SCN11A: variants seen among roughly 807,000 people sequenced by gnomAD.
The protein encoded by SCN11A is sodium channel protein type 11 subunit alpha.
A neutral mutation model predicts 162.2 loss-of-function variants in SCN11A; 122 were observed. That is an observed-to-expected ratio of 0.75 (90% confidence interval 0.65 to 0.87). The LOEUF (loss-of-function observed/expected upper bound fraction) is 0.87, where lower values mean the gene tolerates loss of function less well. Among genes scored for constraint, SCN11A ranks in the 40% least tolerant of loss-of-function variants. The pLI is 0.00. For synonymous variants in SCN11A, 758 were observed against 751.5 expected (o/e 1.01, Z -0.14); for missense variants, 2,015 against 2,181.6 (o/e 0.92, Z 1.52).
rs899219448 is a variant in SCN11A at position 38,946,808 on chromosome 3, T to C, written c.367A>G (p.Ile123Val). Residue 123 changes from isoleucine to valine, a missense_variant, in exon 6 of 30, where the codon ATT becomes GTT. Ile to Val is a conservative substitution (Grantham distance 29). Coordinates refer to ENST00000302328, the MANE Select transcript of SCN11A (RefSeq NM_001349253.2). ...GGATATGAATGGACTGAGACTCTAA[T>C]GGCTAAACTTCTGATTGAATTGAAA... ...GPFNSIRSLA[I>V]RVSVHSLFSM... 4.3e-6 allele frequency: 7 copies of C among 1,611,258 alleles called. No homozygotes were observed. Among genetic ancestry groups the C allele is most frequent in the Non-Finnish European group, 5.9e-6 (7 of 1,177,604 alleles).
At chr3:38,926,612 G>A (rs1030456402) in intron 8 of SCN11A, among the ~76,000 whole-genome samples, 191 bp downstream of exon 8, 2 of 152,052 alleles carry the variant, frequency 1.3e-5, no homozygotes, top group South Asian at 2.1e-4. Context: ...CCTAGAAATG[G>A]CTTTGTGTGT....
chr3:38,863,122 G>C (rs1052333480), intron 28 of SCN11A, 73 bp downstream of exon 28: 1 of 862,764 alleles, frequency 1.2e-6, no homozygotes, highest in Non-Finnish European at 2.0e-6. Flanking sequence ...AAGAAGGATG[G>C]CATTACGGAA....
In SCN11A at chr3:38,946,821, G is replaced by C. The variant is rs189732398; in HGVS notation, c.354C>G (p.Ile118Met). The change falls in exon 6 of 30, where the codon ATC (isoleucine) becomes ATG (methionine). Residue 118 changes from isoleucine (I) to methionine (M), a missense_variant. Coordinates refer to ENST00000302328, the MANE Select transcript of SCN11A (RefSeq NM_001349253.2). Reference sequence around the variant, plus strand: ...CTGAGACTCTAATGGCTAAACTTCTGATTGAATTGAAAGGCCCAAAAATGA... The same window carrying C: ...CTGAGACTCTAATGGCTAAACTTCTCATTGAATTGAAAGGCCCAAAAATGA... Reference protein sequence around the residue: ...ALFIFGPFNSIRSLAIRVSVH... With the variant: ...ALFIFGPFNSMRSLAIRVSVH... 5.8e-5 allele frequency: 93 copies of C among 1,613,322 alleles called. No homozygotes were observed. In the African/African-American group the frequency reaches 1.1e-3, roughly 19 times the overall value.
chr3:38,881,567 G>T (rs2065310384), intron 22 of SCN11A, among the ~76,000 whole-genome samples: 1 of 152,112 alleles, frequency 6.6e-6, no homozygotes, highest in African/African-American at 2.4e-5. Context: ...TTACATAGTT[G>T]CCTAGACCAG....
chr3:38,896,279 A>C (rs1216581801), intron 18 of SCN11A, among the ~76,000 whole-genome samples: 2 of 152,112 alleles, frequency 1.3e-5, no homozygotes, highest in Non-Finnish European at 2.9e-5. Flanking sequence ...GGGAACAGGG[A>C]CCTAAAGACA....
At chr3:39,041,348 A>C (rs181278837) in intron 1 of SCN11A, among the ~76,000 whole-genome samples, 9 of 152,230 alleles carry the variant, frequency 5.9e-5, no homozygotes, top group African/African-American at 1.7e-4. Context: ...ACATCCAGGA[A>C]GCTAAAAAAT....
intron 28 of SCN11A, among the ~76,000 whole-genome samples, chr3:38,859,151 C>A (rs1466653901): frequency 6.6e-6 from 1 of 151,730 alleles, no homozygotes; most frequent in Non-Finnish European, 1.5e-5. Flanking sequence ...AAATCCAAAC[C>A]CAGCAGAAGA....
intron 21 of SCN11A, among the ~76,000 whole-genome samples, chr3:38,884,753 A>T (rs1364151360): frequency 6.6e-6 from 1 of 152,234 alleles, no homozygotes; most frequent in Non-Finnish European, 1.5e-5. Context: ...CTTCTAAGTG[A>T]TTTATATTCA....
intron 3 of SCN11A, among the ~76,000 whole-genome samples, chr3:38,955,287 A>T (rs11916135): frequency 1.3e-5 from 2 of 151,950 alleles, no homozygotes; most frequent in Admixed American, 1.3e-4. Flanking sequence ...ACTCTGTCCC[A>T]AAAAAAATGA....
intron 11 of SCN11A, among the ~76,000 whole-genome samples, chr3:38,919,657 A>G (rs2066013719): frequency 6.6e-6 from 1 of 152,220 alleles, no homozygotes; most frequent in Non-Finnish European, 1.5e-5. Flanking sequence ...TCAGTTTTGA[A>G]AGTCTTGAAT....
intron 2 of SCN11A, among the ~76,000 whole-genome samples, chr3:39,023,647 C>CTT (rs201923367): frequency 1.0e-4 from 15 of 144,070 alleles, no homozygotes; most frequent in South Asian, 6.7e-4. Context: ...CCCCAACTTT[C>CTT]TTTTTTTTTT....
chr3:38,850,170 G>A (rs540797609), intron 29 of SCN11A: 27 of 253,478 alleles, frequency 1.1e-4, no homozygotes, highest in Admixed American at 1.1e-3. Context: ...TCAATTATCT[G>A]AATAAATCAG....
chr3:38,885,726 G>C lies in SCN11A; in HGVS notation c.2950-324C>G, dbSNP rs1274181574. 4.6e-5 allele frequency among the ~76,000 whole-genome samples: 7 copies of C among 152,142 alleles called. No homozygotes were observed. In the East Asian group the frequency reaches 1.2e-3, roughly 25 times the overall value. ...ACTCCAATTATGTGATGAGAAGAAG[G>C]CTACTTTACTGAGACTATAATTTTC... is the stretch of plus-strand genomic sequence containing the variant. On this transcript the variant is annotated intron_variant, in intron 20 of 29. Transcript: ENST00000302328.
chr3:38,857,319 C>T (rs1287598057), intron 28 of SCN11A, among the ~76,000 whole-genome samples: 4 of 151,974 alleles, frequency 2.6e-5, no homozygotes, highest in Non-Finnish European at 5.9e-5. Flanking sequence ...AAAATACTCA[C>T]AACTTCTGGA....
intron 2 of SCN11A, among the ~76,000 whole-genome samples, chr3:39,011,746 G>T (rs1301878896): frequency 6.6e-6 from 1 of 152,130 alleles, no homozygotes; most frequent in South Asian, 2.1e-4. Flanking sequence ...TATTTCCAAG[G>T]TTGGGGGCGG....
chr3:39,015,125 AGC>A (rs2031254702), intron 2 of SCN11A, among the ~76,000 whole-genome samples: 2 of 152,174 alleles, frequency 1.3e-5, no homozygotes, highest in African/African-American at 4.8e-5. Flanking sequence ...AAGAAGAGAG[AGC>A]CATTAAGATC....
intron 28 of SCN11A, among the ~76,000 whole-genome samples, chr3:38,861,518 C>T (rs919770596): frequency 6.6e-6 from 1 of 152,116 alleles, no homozygotes; most frequent in Admixed American, 6.6e-5. Flanking sequence ...GTTACTGAAA[C>T]AGCATGGTAC....
chr3:38,900,730 A>C (rs1425371026), intron 16 of SCN11A, among the ~76,000 whole-genome samples: 3 of 152,112 alleles, frequency 2.0e-5, no homozygotes, highest in African/African-American at 7.2e-5. Flanking sequence ...TAATCCTAAA[A>C]CTCATTCAGA....
chr3:38,970,623 A>AG (rs1309660507), intron 2 of SCN11A, among the ~76,000 whole-genome samples: 1 of 152,146 alleles, frequency 6.6e-6, no homozygotes, highest in Admixed American at 6.5e-5. Context: ...ATGTCTAGAG[A>AG]GTCAGACCCT....
Sources: allele counts gnomAD v4.1 joint callset (sites outside exome capture counted in the v4.1 genomes callset), GRCh38; gene constraint gnomAD v4.1.1; transcripts MANE v1.5; gene names NCBI Gene and HGNC (gene_info 2026-07-23, HGNC 2026-07-21).